RFX4: variants seen among roughly 807,000 people sequenced by gnomAD.
RFX4 encodes transcription factor RFX4.
RFX4 carries 10 observed loss-of-function variants against 95.0 expected under a neutral mutation model. The ratio of observed to expected loss-of-function variants is 0.11; its 90% CI spans 0.06 to 0.18. The LOEUF (loss-of-function observed/expected upper bound fraction) is 0.18. RFX4 is among the 10% of genes least tolerant of loss of function. RFX4 has a pLI of 1.00. For synonymous variants in RFX4, 321 were observed against 340.7 expected, an observed-to-expected ratio of 0.94 and a Z score of 0.64; for missense variants, 640 against 922.0, an observed-to-expected ratio of 0.69 and a Z score of 3.96.
At chr12:106,742,602 T>C (rs756644478) in intron 15 of RFX4, among the ~76,000 whole-genome samples, 2 of 152,204 alleles carry the variant, frequency 1.3e-5, no homozygotes, top group Non-Finnish European at 2.9e-5. Flanking sequence ...ATTTAGAAGT[T>C]TGATATAAGG....
intron 4 of RFX4, among the ~76,000 whole-genome samples, chr12:106,674,625 T>C (rs1283566404): frequency 6.6e-6 from 1 of 151,736 alleles, no homozygotes; most frequent in African/African-American, 2.4e-5. Flanking sequence ...CCACCGTGCC[T>C]GGCCCCCACC....
At chr12:106,718,080 T>C (rs1237843871) in intron 11 of RFX4, among the ~76,000 whole-genome samples, 1 of 152,230 alleles carries the variant, frequency 6.6e-6, no homozygotes, top group Non-Finnish European at 1.5e-5. Flanking sequence ...TGAGTTATAA[T>C]TGTAACTGCC....
chr12:106,619,268 C>T (rs932705210), intron 2 of RFX4, among the ~76,000 whole-genome samples: 2 of 152,086 alleles, frequency 1.3e-5, no homozygotes, highest in Non-Finnish European at 2.9e-5. Flanking sequence ...TATTATCATA[C>T]TGTGTAGTAT....
At chr12:106,759,620 T>A (rs2043174414) in intron 17 of RFX4, among the ~76,000 whole-genome samples, 1 of 152,082 alleles carries the variant, frequency 6.6e-6, no homozygotes, top group South Asian at 2.1e-4. Flanking sequence ...ATCCTGTAGG[T>A]TCCCATGACG....
chr12:106,714,087 A>AAAAAAAAAAAAAAAAAAC (rs2042242529), intron 10 of RFX4, among the ~76,000 whole-genome samples: 1 of 151,114 alleles, frequency 6.6e-6, no homozygotes, highest in Non-Finnish European at 1.5e-5. Flanking sequence ...AAAAAAAAAA[A>AAAAAAAAAAAAAAAAAAC]AAAAGCATGT....
intron 1 of RFX4, among the ~76,000 whole-genome samples, chr12:106,607,697 C>T (rs938591200): frequency 3.9e-5 from 6 of 152,070 alleles, no homozygotes; most frequent in South Asian, 2.1e-4. Context: ...TGCATTGGGA[C>T]GCATTTGTTT....
intron 15 of RFX4, 122 bp downstream of exon 15, chr12:106,733,207 A>C: frequency 9.3e-7 from 1 of 1,072,472 alleles, no homozygotes; most frequent in Non-Finnish European, 1.4e-6. Flanking sequence ...ATCTTGGCTC[A>C]CACCTGTAGT....
At chr12:106,636,261 G>A (rs764282398) in intron 2 of RFX4, among the ~76,000 whole-genome samples, 1 of 151,882 alleles carries the variant, frequency 6.6e-6, no homozygotes, top group Non-Finnish European at 1.5e-5. Context: ...GTGGTTGTGG[G>A]CACCTGTAAT....
intron 4 of RFX4, among the ~76,000 whole-genome samples, chr12:106,665,765 G>A (rs751369352): frequency 9.9e-5 from 15 of 151,408 alleles, no homozygotes; most frequent in African/African-American, 3.6e-4. Context: ...CAAGAAGGGC[G>A]AGCACCTTAT....
intron 17 of RFX4, among the ~76,000 whole-genome samples, chr12:106,755,667 A>C (rs1213502182): frequency 6.6e-6 from 1 of 152,216 alleles, no homozygotes; most frequent in Non-Finnish European, 1.5e-5. Context: ...CTTTGGTTTA[A>C]GGTTCAGCAT....
rs186779908 is a variant in RFX4 at position 106,615,289 on chromosome 12, A to G, written c.130+6406A>G. 2.4e-3 allele frequency among the ~76,000 whole-genome samples: 359 copies of G among 152,260 alleles called. 2 individuals are homozygous for G. The highest frequency in any genetic ancestry group is 8.2e-3 in the African/African-American group (342 of 41,550). On this transcript the variant is annotated intron_variant, in intron 2 of 17. Transcript: ENST00000392842. ...CCTTCATCATAAATTGGCAGATTATATATATTTGGATCTGGGTCTGGACTT... is the reference window on the plus strand; with the variant it reads ...CCTTCATCATAAATTGGCAGATTATGTATATTTGGATCTGGGTCTGGACTT...
In RFX4 at chr12:106,732,987, C is replaced by T. The variant is rs769992690; in HGVS notation, c.1535C>T (p.Ser512Leu). ...AAAPTPSPVP[S>L]FSPAKSATSV... Reference sequence around the variant, plus strand: ...GCACCAACCCCTTCACCAGTGCCATCGTTTTCTCCAGCAAAATCTGCCACA... The same window carrying T: ...GCACCAACCCCTTCACCAGTGCCATTGTTTTCTCCAGCAAAATCTGCCACA... The change falls in exon 15 of 18, where the codon TCG (serine) becomes TTG (leucine). Residue 512 changes from serine (S) to leucine (L), a missense_variant. By Grantham distance (145) the Ser-to-Leu change is moderately radical. Around this residue, in one of 7 missense-constraint regions of RFX4, gnomAD observed 300 missense variants for 346.8 expected, o/e 0.87. Transcript: ENST00000392842. The T allele has an allele frequency of 3.1e-6, 5 of 1,614,176 alleles. No homozygotes were observed. Among genetic ancestry groups the T allele is most frequent in the South Asian group, 1.1e-5 (1 of 91,082 alleles).
chr12:106,594,927 G>C (rs1488584127), intron 1 of RFX4, among the ~76,000 whole-genome samples: 1 of 152,186 alleles, frequency 6.6e-6, no homozygotes, highest in Non-Finnish European at 1.5e-5. Flanking sequence ...GAGGATGGGA[G>C]GCAAGGAAGA....
intron 4 of RFX4, among the ~76,000 whole-genome samples, chr12:106,668,199 C>A (rs2041214518): frequency 6.6e-6 from 1 of 152,168 alleles, no homozygotes; most frequent in Non-Finnish European, 1.5e-5. Flanking sequence ...CAGATGGCTT[C>A]CAGTTTCTAT....
At chr12:106,699,638 C>CT (rs1010194357) in intron 8 of RFX4, among the ~76,000 whole-genome samples, 4 of 152,000 alleles carry the variant, frequency 2.6e-5, no homozygotes, top group African/African-American at 9.7e-5. Context: ...TTCATAATGT[C>CT]TTTTTTTATC....
Position 106,691,897 on chromosome 12 carries a change from G to T in RFX4, c.669+2533G>T, listed in dbSNP as rs185863893. On this transcript the variant is annotated intron_variant, in intron 7 of 17. Transcript: ENST00000392842. ...TCTGAGGCCGGGCGCAGTGGCTCAC[G>T]CCTGTAATCCCAGCACTTTGGGAGG... is the stretch of plus-strand genomic sequence containing the variant. Among the ~76,000 whole-genome samples the T allele has an allele frequency of 2.0e-3, 300 of 152,260 alleles. 2 individuals carry two copies. Among genetic ancestry groups the T allele is most frequent in the Non-Finnish European group, 3.3e-3 (224 of 68,020 alleles).
chr12:106,609,892 C>G (rs575964315), intron 2 of RFX4, among the ~76,000 whole-genome samples: 1 of 152,204 alleles, frequency 6.6e-6, no homozygotes, highest in African/African-American at 2.4e-5. Context: ...TTTTTGCCTG[C>G]TTTTAAAACT....
chr12:106,599,471 G>GTGA (rs3067521), intron 1 of RFX4, among the ~76,000 whole-genome samples: 7,111 of 150,644 alleles, frequency 0.047, 202 homozygotes, highest in Non-Finnish European at 0.047. Flanking sequence ...AGTCATCGCT[G>GTGA]TGATGATGAT....
At chr12:106,602,304 C>T (rs936818043) in intron 1 of RFX4, among the ~76,000 whole-genome samples, 2 of 152,204 alleles carry the variant, frequency 1.3e-5, no homozygotes, top group Admixed American at 6.5e-5. Context: ...GTCACTCAGC[C>T]GTGAGTTCCT....
Sources: gnomAD v4.1 joint callset for allele counts (sites outside exome capture counted in the v4.1 genomes callset) on GRCh38, gnomAD v4.1.1 for gene constraint, gnomAD v4.1.1 regional missense constraint, MANE v1.5 for transcripts, NCBI Gene and HGNC (gene_info 2026-07-23, HGNC 2026-07-21) for gene names.